The following NAF1 variants were observed in gnomAD, a reference collection of about 807,000 sequenced individuals.
NAF1 encodes the protein H/ACA ribonucleoprotein complex non-core subunit NAF1.
A neutral mutation model predicts 40.6 loss-of-function variants in NAF1; 11 were observed. The observed-to-expected ratio is 0.27, with a 90% CI of 0.17 to 0.45. NAF1 has a LOEUF of 0.45. Among genes scored for constraint, NAF1 ranks in the 20% least tolerant of loss-of-function variants. The pLI, the probability that NAF1 is intolerant of heterozygous loss-of-function variation, is 1.00. For missense variants in NAF1, 607 were observed against 611.1 expected (o/e 0.99, Z 0.07); for synonymous variants, 260 against 228.5 (o/e 1.14, Z -1.24).
chr4:163,107,377 C>T (rs549940252), downstream of NAF1, among the ~76,000 whole-genome samples: 1 of 152,316 alleles, frequency 6.6e-6, no homozygotes, highest in African/African-American at 2.4e-5. Flanking sequence ...CTGAGAGCAG[C>T]CTGTGCTCAG....
At chr4:163,153,578 G>T (rs934341212) in intron 2 of NAF1, among the ~76,000 whole-genome samples, 2 of 152,200 alleles carry the variant, frequency 1.3e-5, no homozygotes, top group East Asian at 1.9e-4. Context: ...TGCACCAATC[G>T]ACACTCTGTA....
intron 7 of NAF1, among the ~76,000 whole-genome samples, chr4:163,130,182 T>C (rs1730815724): frequency 6.6e-6 from 1 of 152,002 alleles, no homozygotes; most frequent in African/African-American, 2.4e-5. Context: ...TAATACTCAA[T>C]ATACCCAGGT....
At position 163,134,380 on chromosome 4, in the gene NAF1, T is replaced by C. The variant is rs547602958; in HGVS notation, c.931-1124A>G. Among the ~76,000 whole-genome samples, 243 of 152,298 alleles carry C rather than the reference T, an allele frequency of 1.6e-3. 2 individuals carry two copies. Among genetic ancestry groups the C allele is most frequent in the African/African-American group, 4.5e-3 (187 of 41,570 alleles). On this transcript the variant is annotated intron_variant, in intron 6 of 7. Coordinates refer to ENST00000274054, the MANE Select transcript of NAF1 (RefSeq NM_138386.3). ...GATCAAATCCTCCATGAACCAGGAA[T>C]CCATACACTTCAGATTCTGAAATCT...
chr4:163,141,815 C>G (rs542551301), intron 4 of NAF1: 36 of 331,982 alleles, frequency 1.1e-4, no homozygotes, highest in African/African-American at 7.4e-4. Flanking sequence ...TTGAACATGG[C>G]TGTTTTATCA....
intron 2 of NAF1, chr4:163,120,013 T>A (rs1330937472): frequency 6.6e-6 from 1 of 152,242 alleles, no homozygotes; most frequent in African/African-American, 2.4e-5. Context: ...AGAAAATTAA[T>A]CATTTGCTTT....
intron 2 of NAF1, chr4:163,157,095 C>T (rs957797466): frequency 1.3e-5 from 2 of 152,040 alleles, no homozygotes; most frequent in African/African-American, 4.8e-5. Context: ...CACAGCATTT[C>T]GCAAATGAAC....
chr4:163,115,277 C>T (rs1231628456), intron 2 of NAF1, among the ~76,000 whole-genome samples: 1 of 140,562 alleles, frequency 7.1e-6, no homozygotes, highest in South Asian at 2.3e-4. Flanking sequence ...GGCGCCATCT[C>T]GGCTCACTGC....
In NAF1 at chr4:163,164,265, C is replaced by A; in HGVS notation, c.492G>T (p.Lys164Asn). 6.3e-7 allele frequency: 1 copy of A among 1,579,576 alleles called. No homozygotes were observed. The highest frequency in any genetic ancestry group is 8.6e-7 in the Non-Finnish European group (1 of 1,166,870). ...TTTTAAGAGGAAAATTCTTATTTTC[C>A]TTCTCAATTTGTAAATCATCATCTC... ...SDGDDDLQIEKENKNFPLKTK... is the reference protein window; with the variant it reads ...SDGDDDLQIENENKNFPLKTK... The change falls in exon 2 of 8, where the codon AAG becomes AAT. Residue 164 changes from lysine (K) to asparagine (N), a missense_variant. Coordinates refer to ENST00000274054, the MANE Select transcript of NAF1 (RefSeq NM_138386.3).
chr4:163,166,785 GCT>G lies in NAF1; in HGVS notation c.-60_-59del. The stretch of plus-strand genomic sequence containing the variant: ...ATTGGGGCCCCTGGACAAGCTCACG[GCT>G]CTCTCCAGAAATAGAAAAACAACTT... On this transcript the variant is annotated 5_prime_UTR_variant, in exon 1 of 8. Transcript: ENST00000274054. 1 of 1,598,366 alleles carries G rather than the reference GCT, an allele frequency of 6.3e-7. No homozygotes were observed. Among genetic ancestry groups the G allele is most frequent in the South Asian group, 1.1e-5 (1 of 88,894 alleles).
At chr4:163,109,642 G>C (rs1026949154), downstream of NAF1, among the ~76,000 whole-genome samples, 1 of 152,158 alleles carries the variant, frequency 6.6e-6, no homozygotes. Context: ...AGAAAAGTGA[G>C]GATGATCTAA....
At chr4:163,135,208 T>G (rs947379959) in intron 6 of NAF1, 2 of 152,190 alleles carry the variant, frequency 1.3e-5, no homozygotes, top group African/African-American at 2.4e-5. Context: ...TCACGCAATG[T>G]TTCTCCTTTT....
At chr4:163,135,570 TACTGGAGGTCAGGAGTTCA>T (rs1443417098) in intron 6 of NAF1, 1 of 152,178 alleles carries the variant, frequency 6.6e-6, no homozygotes, top group African/African-American at 2.4e-5. Context: ...AGGGGTGGAT[TACTGGAGGTCAGGAGTTCA>T]AGACTAGCCT....
At chr4:163,147,847 C>T (rs182504831) in intron 3 of NAF1, among the ~76,000 whole-genome samples, 6 of 152,198 alleles carry the variant, frequency 3.9e-5, no homozygotes, top group Admixed American at 3.9e-4. Context: ...CAGAGACAGA[C>T]GTTACATTAC....
intron 2 of NAF1, among the ~76,000 whole-genome samples, chr4:163,110,951 A>G (rs1308707555): frequency 1.3e-5 from 2 of 152,194 alleles, no homozygotes; most frequent in Non-Finnish European, 2.9e-5. Flanking sequence ...ATAACTAGAA[A>G]TTGTATTCCT....
In NAF1 at chr4:163,132,513, T is replaced by C. The variant is rs1198075748; in HGVS notation, c.1033+641A>G. Reference sequence around the variant, plus strand: ...CTTCACTTATATAACTTTCTGGATATGACAAAATATATGAAAATGGAGAAC... The same window carrying C: ...CTTCACTTATATAACTTTCTGGATACGACAAAATATATGAAAATGGAGAAC... On this transcript the variant is annotated intron_variant, in intron 7 of 7. Coordinates refer to ENST00000274054, the MANE Select transcript of NAF1 (RefSeq NM_138386.3). 2.6e-5 allele frequency among the ~76,000 whole-genome samples: 4 copies of C among 152,178 alleles called. No homozygotes were observed. The East Asian group carries it at 7.7e-4, about 29-fold the overall frequency.
At chr4:163,166,229 G>T (rs536662440) in intron 1 of NAF1, 134 bp downstream of exon 1, 16 of 1,142,310 alleles carry the variant, frequency 1.4e-5, no homozygotes, top group Middle Eastern at 6.1e-4. Context: ...ACTTCAACAC[G>T]TGAGCCCGGA....
chr4:163,134,215 G>A (rs957632946), intron 6 of NAF1, among the ~76,000 whole-genome samples: 3 of 151,766 alleles, frequency 2.0e-5, no homozygotes, highest in South Asian at 2.1e-4. Context: ...GCCAGAAAAC[G>A]TCTATTATGT....
intron 7 of NAF1, among the ~76,000 whole-genome samples, chr4:163,131,425 A>C (rs1338561436): frequency 3.3e-5 from 5 of 152,168 alleles, no homozygotes; most frequent in East Asian, 1.9e-4. Context: ...AAAACAAAAA[A>C]ACCTCAGCAA....
At chr4:163,165,331 G>C (rs1485136021) in intron 1 of NAF1, among the ~76,000 whole-genome samples, 2 of 152,196 alleles carry the variant, frequency 1.3e-5, no homozygotes, top group African/African-American at 4.8e-5. Flanking sequence ...CACCCACAGA[G>C]TCAGAAGTAG....
Sources: gnomAD v4.1 joint callset for allele counts (sites outside exome capture counted in the v4.1 genomes callset) on GRCh38, gnomAD v4.1.1 for gene constraint, MANE v1.5 for transcripts, NCBI Gene and HGNC (gene_info 2026-07-23, HGNC 2026-07-21) for gene names.